The following GREM2 variants were observed in gnomAD, a reference collection of about 807,000 sequenced individuals.
The protein encoded by GREM2 is gremlin-2.
Under a neutral mutation model 14.2 loss-of-function variants are expected in GREM2, and 11 were observed. The ratio of observed to expected loss-of-function variants is 0.78; its 90% confidence interval spans 0.49 to 1.28. GREM2 has a LOEUF of 1.28. Among genes scored for constraint, GREM2 ranks in the 50% most tolerant of loss-of-function variants. The probability of loss-of-function intolerance (pLI) is 0.00; values close to 1 mark genes in which losing one functional copy is unlikely to be tolerated. For missense variants in GREM2, 210 were observed against 218.5 expected, an observed-to-expected ratio of 0.96 and a Z score of 0.24; for synonymous variants, 98 against 97.6, an observed-to-expected ratio of 1.00 and a Z score of -0.02.
chr1:240,563,216 T>C lies in GREM2; in HGVS notation c.-2+48668A>G, dbSNP rs374233879. Among the ~76,000 whole-genome samples, 1,137 of 151,732 alleles carry C rather than the reference T, an allele frequency of 7.5e-3. 15 individuals carry two copies. The highest frequency in any genetic ancestry group is 0.026 in the African/African-American group (1,093 of 41,296). The stretch of plus-strand genomic sequence containing the variant: ...GTGAGTGTGTGTAAGTGAGTGTGTG[T>C]TTGAGTGTGCGTGAGAGTGTGTGTG... On this transcript the variant is annotated intron_variant, in intron 1 of 1. Coordinates refer to ENST00000318160, the MANE Select transcript of GREM2 (RefSeq NM_022469.4).
rs1384404542 is a variant in GREM2, at chr1:240,490,907, T to G, written c.*2062A>C. The G allele has an allele frequency of 2.0e-5, 3 of 152,346 alleles. No individual in the cohort carries two copies. Among genetic ancestry groups the G allele is most frequent in the African/African-American group, 4.8e-5 (2 of 41,462 alleles). The allele number at this position is 152,346 out of a possible 1,614,324, so 9.4% of individuals were successfully genotyped here. Reference sequence around the variant, plus strand: ...TTTCCTTCCTTCACAGCTTTTCTGCTGCATGTTCTGCCACTGAGTCTGACT... The same window carrying G: ...TTTCCTTCCTTCACAGCTTTTCTGCGGCATGTTCTGCCACTGAGTCTGACT... On this transcript the variant is annotated 3_prime_UTR_variant, in exon 2 of 2. Coordinates refer to ENST00000318160, the MANE Select transcript of GREM2 (RefSeq NM_022469.4).
chr1:240,509,657 T>C lies in GREM2; in HGVS notation c.-1-16181A>G, dbSNP rs184029003. Among the ~76,000 whole-genome samples, 162 of 152,060 alleles carry C rather than the reference T, an allele frequency of 1.1e-3. 1 individual carries two copies. The South Asian group carries it at 0.016, about 15-fold the overall frequency. On this transcript the variant is annotated intron_variant, in intron 1 of 1. Coordinates refer to ENST00000318160, the MANE Select transcript of GREM2 (RefSeq NM_022469.4). ...TGCTGGGATTACAGGCATGAGCCACTGCACCCGGTGCTCATTTGACTCTTA... is the reference window on the plus strand; with the variant it reads ...TGCTGGGATTACAGGCATGAGCCACCGCACCCGGTGCTCATTTGACTCTTA...
intron 1 of GREM2, among the ~76,000 whole-genome samples, chr1:240,600,402 C>A (rs1317460323): frequency 1.3e-5 from 2 of 152,190 alleles, no homozygotes; most frequent in Admixed American, 6.5e-5. Context: ...GTTCACTAAT[C>A]CAACACTCAA....
At chr1:240,609,585 G>A (rs1680093720) in intron 1 of GREM2, among the ~76,000 whole-genome samples, 1 of 152,210 alleles carries the variant, frequency 6.6e-6, no homozygotes, top group East Asian at 1.9e-4. Context: ...CGTTTTCCCT[G>A]GTTGAAATAA....
At chr1:240,514,069 A>C (rs1677896613) in intron 1 of GREM2, among the ~76,000 whole-genome samples, 1 of 151,936 alleles carries the variant, frequency 6.6e-6, no homozygotes, top group South Asian at 2.1e-4. Flanking sequence ...AAAATGGTGA[A>C]ACTATGCCTC....
chr1:240,577,952 G>T (rs913962306), intron 1 of GREM2, among the ~76,000 whole-genome samples: 7 of 152,284 alleles, frequency 4.6e-5, no homozygotes, highest in African/African-American at 1.7e-4. Flanking sequence ...CTTGAGAGCA[G>T]TTCATTAATC....
At chr1:240,567,289 C>T (rs1176647142) in intron 1 of GREM2, among the ~76,000 whole-genome samples, 3 of 152,094 alleles carry the variant, frequency 2.0e-5, no homozygotes, top group Non-Finnish European at 4.4e-5. Context: ...CAATAGCCTA[C>T]TATTTCCAAA....
chr1:240,509,193 G>C (rs1259076399), intron 1 of GREM2, among the ~76,000 whole-genome samples: 1 of 152,088 alleles, frequency 6.6e-6, no homozygotes, highest in Non-Finnish European at 1.5e-5. Context: ...TCTCCAGCCT[G>C]TGGGCTGTGC....
At chr1:240,554,318 C>T (rs527899714) in intron 1 of GREM2, among the ~76,000 whole-genome samples, 91 of 150,326 alleles carry the variant, frequency 6.1e-4, no homozygotes, top group African/African-American at 2.0e-3. Context: ...GGCTGAGGCA[C>T]GAGAATAGCT....
intron 1 of GREM2, among the ~76,000 whole-genome samples, chr1:240,526,991 C>T (rs1178518735): frequency 1.3e-5 from 2 of 152,106 alleles, no homozygotes; most frequent in African/African-American, 4.8e-5. Context: ...CAATACTTAC[C>T]AACAGCAATC....
At chr1:240,539,891 C>T (rs1678548566) in intron 1 of GREM2, among the ~76,000 whole-genome samples, 1 of 152,192 alleles carries the variant, frequency 6.6e-6, no homozygotes, top group South Asian at 2.1e-4. Context: ...GCTTTTGATT[C>T]ATTCTGTTGT....
intron 1 of GREM2, among the ~76,000 whole-genome samples, chr1:240,521,488 G>A (rs1189876218): frequency 6.6e-5 from 10 of 151,828 alleles, no homozygotes; most frequent in Admixed American, 1.3e-4. Context: ...GGAGAATGGC[G>A]TGAACCCGGG....
At chr1:240,572,665 T>C (rs961660932) in intron 1 of GREM2, among the ~76,000 whole-genome samples, 6 of 152,220 alleles carry the variant, frequency 3.9e-5, no homozygotes, top group Admixed American at 1.3e-4. Context: ...TTGTTCCTTA[T>C]AGATAATGCT....
In GREM2 at chr1:240,559,321, G is replaced by A. The variant is rs148167365; in HGVS notation, c.-2+52563C>T. On this transcript the variant is annotated intron_variant, in intron 1 of 1. Transcript: ENST00000318160. ...TTAAAAATCGGTCATTAGTATCACCGCCAATCTCATCAAAAAGTCTTTTTT... is the reference window on the plus strand; with the variant it reads ...TTAAAAATCGGTCATTAGTATCACCACCAATCTCATCAAAAAGTCTTTTTT... Among the ~76,000 whole-genome samples the A allele has an allele frequency of 8.1e-4, 120 of 147,880 alleles. 1 individual carries two copies. The highest frequency in any genetic ancestry group is 2.8e-3 in the African/African-American group (112 of 39,970).
At chr1:240,583,723 T>C (rs1679535353) in intron 1 of GREM2, among the ~76,000 whole-genome samples, 1 of 151,998 alleles carries the variant, frequency 6.6e-6, no homozygotes, top group Non-Finnish European at 1.5e-5. Flanking sequence ...TGCCTCAGCC[T>C]CCTGAGTAGC....
intron 1 of GREM2, among the ~76,000 whole-genome samples, chr1:240,594,415 T>G (rs1391335032): frequency 6.6e-6 from 1 of 152,190 alleles, no homozygotes; most frequent in Non-Finnish European, 1.5e-5. Context: ...GTTCATTCTT[T>G]ATTTGCTCTT....
chr1:240,532,299 G>T (rs1678379011), intron 1 of GREM2, among the ~76,000 whole-genome samples: 2 of 152,062 alleles, frequency 1.3e-5, no homozygotes, highest in South Asian at 4.1e-4. Flanking sequence ...CGCCAGGCTG[G>T]TCTTGAACTC....
intron 1 of GREM2, among the ~76,000 whole-genome samples, chr1:240,522,316 CCT>C (rs976378327): frequency 1.3e-5 from 2 of 152,086 alleles, no homozygotes; most frequent in African/African-American, 4.8e-5. Flanking sequence ...AAAGTCCTCC[CCT>C]GACAACAATG....
chr1:240,559,010 T>C (rs1678995241), intron 1 of GREM2, among the ~76,000 whole-genome samples: 1 of 152,160 alleles, frequency 6.6e-6, no homozygotes, highest in Non-Finnish European at 1.5e-5. Flanking sequence ...AAAGAAAATG[T>C]GGCCTCCCAC....
Sources: gnomAD v4.1 joint callset for allele counts (sites outside exome capture counted in the v4.1 genomes callset) on GRCh38, gnomAD v4.1.1 for gene constraint, MANE v1.5 for transcripts, NCBI Gene and HGNC (gene_info 2026-07-23, HGNC 2026-07-21) for gene names.